The following DGCR8 variants were observed in gnomAD, a reference collection of about 807,000 sequenced individuals.
DGCR8 encodes the protein microprocessor complex subunit DGCR8.
In DGCR8, 14 loss-of-function variants were observed where a neutral mutation model predicts 78.5. The observed-to-expected ratio is 0.18, with a 90% CI of 0.12 to 0.28. The LOEUF (loss-of-function observed/expected upper bound fraction) is 0.28, where lower values mean the gene tolerates loss of function less well. DGCR8 is among the 10% of genes least tolerant of loss of function. The pLI is 1.00. For synonymous variants in DGCR8, 399 were observed against 402.4 expected, an observed-to-expected ratio of 0.99 and a Z score of 0.10; for missense variants, 702 against 1,022.5, an observed-to-expected ratio of 0.69 and a Z score of 4.28.
intron 9 of DGCR8, among the ~76,000 whole-genome samples, chr22:20,097,096 ATTTGTAGT>A (rs1484515788): frequency 1.3e-5 from 2 of 151,996 alleles, no homozygotes; most frequent in African/African-American, 4.8e-5. Flanking sequence ...GGATTTTTGC[ATTTGTAGT>A]TATAAGCAAT....
chr22:20,091,577 G>T lies in DGCR8; in HGVS notation c.1449G>T (p.Leu483Phe). 1 of 1,614,230 alleles carries T rather than the reference G, an allele frequency of 6.2e-7. No individual in the cohort carries two copies. Among genetic ancestry groups the T allele is most frequent in the Non-Finnish European group, 8.5e-7 (1 of 1,180,048 alleles). Reference sequence around the variant, plus strand: ...AGGCGGAGTCCGAGAGGCCCATCTTGCCAGCCAATCAGAAGCTCATTACTT... The same window carrying T: ...AGGCGGAGTCCGAGAGGCCCATCTTTCCAGCCAATCAGAAGCTCATTACTT... Reference protein sequence around the residue: ...RKQAESERPILPANQKLITLS... With the variant: ...RKQAESERPIFPANQKLITLS... The change falls in exon 6 of 14, where the codon TTG becomes TTT. Residue 483 changes from leucine (L) to phenylalanine (F), a missense_variant. This residue lies in a region of DGCR8 where 225 missense variants were observed against 427.7 expected (regional missense o/e 0.53). Transcript: ENST00000351989.
intron 9 of DGCR8, among the ~76,000 whole-genome samples, chr22:20,097,362 C>A (rs2049640794): frequency 6.6e-6 from 1 of 152,128 alleles, no homozygotes; most frequent in African/African-American, 2.4e-5. Context: ...TGTTATAGGT[C>A]TATTGAGATT....
chr22:20,100,742 A>G, intron 9 of DGCR8: 4 of 985,400 alleles, frequency 4.1e-6, no homozygotes, highest in South Asian at 4.7e-5. Flanking sequence ...GGAGAAGGAC[A>G]TGGGGGTGGG....
Position 20,090,203 on chromosome 22 carries a change from T to C in DGCR8, c.1251T>C (p.Pro417=). The change falls in exon 5 of 14, where the codon CCT becomes CCC. Residue 417 remains proline (P), a synonymous_variant. Coordinates refer to ENST00000351989, the MANE Select transcript of DGCR8 (RefSeq NM_022720.7). The part of the protein sequence containing the change: ...EKDPLGAEAA[P]GALGQVKAKV... ...ACCCACTAGGGGCTGAGGCAGCCCC[T>C]GGGGCCCTGGGGCAGGTGAAGGCCA... 6.2e-7 allele frequency: 1 copy of C among 1,612,754 alleles called. No individual in the cohort carries two copies. The highest frequency in any genetic ancestry group is 8.5e-7 in the Non-Finnish European group (1 of 1,179,640).
chr22:20,104,593 A>C (rs938574490), intron 9 of DGCR8, among the ~76,000 whole-genome samples: 1 of 152,140 alleles, frequency 6.6e-6, no homozygotes, highest in East Asian at 1.9e-4. Context: ...GGCCGACAGC[A>C]CTGGACGTTG....
intron 9 of DGCR8, among the ~76,000 whole-genome samples, chr22:20,099,571 C>T (rs901281271): frequency 6.6e-6 from 1 of 152,238 alleles, no homozygotes; most frequent in Non-Finnish European, 1.5e-5. Flanking sequence ...ATGCCAGCAA[C>T]TCCTTGTTCT....
At position 20,110,228 on chromosome 22, in the gene DGCR8, C is replaced by T. The variant is rs2147945695; in HGVS notation, c.*120C>T. ...CCCACGCTCCTTCCCTGTGGCCAACCTGTGGGCCCGGCCTTAGGGTGGAGG... is the reference window on the plus strand; with the variant it reads ...CCCACGCTCCTTCCCTGTGGCCAACTTGTGGGCCCGGCCTTAGGGTGGAGG... On this transcript the variant is annotated 3_prime_UTR_variant, in exon 14 of 14. Coordinates refer to ENST00000351989, the MANE Select transcript of DGCR8 (RefSeq NM_022720.7). The T allele has an allele frequency of 9.8e-7, 1 of 1,015,976 alleles. No individual in the cohort carries two copies. Among genetic ancestry groups the T allele is most frequent in the Non-Finnish European group, 1.5e-6 (1 of 685,014 alleles). The allele number at this position is 1,015,976 out of a possible 1,614,324, so 62.9% of individuals were successfully genotyped here.
At chr22:20,094,338 C>G (rs1338538614) in intron 8 of DGCR8, among the ~76,000 whole-genome samples, 2 of 152,248 alleles carry the variant, frequency 1.3e-5, no homozygotes, top group African/African-American at 4.8e-5. Context: ...CTGCTGCCAC[C>G]TGGTCTAGGT....
chr22:20,106,410 C>A (rs1037123182), intron 10 of DGCR8, 133 bp downstream of exon 10: 38 of 854,648 alleles, frequency 4.4e-5, no homozygotes, highest in African/African-American at 1.3e-4. Context: ...AGCCCCTTGG[C>A]CCTGGCCACC....
At chr22:20,106,782 C>G in intron 11 of DGCR8, 84 bp downstream of exon 11, 1 of 956,438 alleles carries the variant, frequency 1.0e-6, no homozygotes, top group South Asian at 1.3e-5. Flanking sequence ...TTGGTCTCAG[C>G]TGTTGCCCTG....
intron 9 of DGCR8, among the ~76,000 whole-genome samples, chr22:20,104,549 A>G (rs548315194): frequency 6.6e-6 from 1 of 152,300 alleles, no homozygotes; most frequent in Non-Finnish European, 1.5e-5. Context: ...CTCCAGGGCC[A>G]GTCCCGAAGC....
In DGCR8 at chr22:20,094,848, C is replaced by A. The variant is rs893143597; in HGVS notation, c.1788+53C>A. 5.2e-6 allele frequency: 8 copies of A among 1,536,126 alleles called. No homozygotes were observed. The African/African-American group carries it at 1.1e-4, about 21-fold the overall frequency. Reference sequence around the variant, plus strand: ...GAGCTGTGTGTGCAGTGCGGCTACCCTGCCCTGTTAGTGTGAGCTGGGGGT... The same window carrying A: ...GAGCTGTGTGTGCAGTGCGGCTACCATGCCCTGTTAGTGTGAGCTGGGGGT... On this transcript the variant is annotated intron_variant, in intron 9 of 13. Coordinates refer to ENST00000351989, the MANE Select transcript of DGCR8 (RefSeq NM_022720.7).
chr22:20,102,327 C>T (rs779004881), intron 9 of DGCR8, among the ~76,000 whole-genome samples: 2 of 152,164 alleles, frequency 1.3e-5, no homozygotes, highest in East Asian at 3.9e-4. Flanking sequence ...TCACCTGGTA[C>T]GTAGCCTTTG....
chr22:20,086,949 TCCTTGGCAGTGTGTGCC>T lies in DGCR8; in HGVS notation c.721-209_721-193del, dbSNP rs1284466242. On this transcript the variant is annotated intron_variant, in intron 2 of 13. Transcript: ENST00000351989. This position sits in a 1 kb window ranked among gnomAD's most constrained non-coding sequence, Gnocchi z 6.4. The stretch of plus-strand genomic sequence containing the variant: ...GGCAGCAGGTGCTGCTGAGTTACGC[TCCTTGGCAGTGTGTGCC>T]CCTGGACCAGGTGTGTTGGTGTCAG... 1.3e-6 allele frequency: 1 copy of T among 755,190 alleles called. No individual in the cohort carries two copies. The highest frequency in any genetic ancestry group is 2.1e-6 in the Non-Finnish European group (1 of 480,522). 46.8% of individuals were successfully genotyped at this position (755,190 alleles called of 1,614,324 possible). A position where few individuals can be genotyped will look rare whatever the true frequency, so the allele number is the denominator to read the frequency against.
intron 5 of DGCR8, 49 bp downstream of exon 5, chr22:20,090,307 C>T (rs749708126): frequency 1.3e-5 from 20 of 1,530,560 alleles, no homozygotes; most frequent in Admixed American, 1.1e-4. Flanking sequence ...GACCCATGAG[C>T]TTTGTTTTTC....
Position 20,107,323 on chromosome 22 carries a change from G to C in DGCR8, c.2049G>C (p.Leu683=), listed in dbSNP as rs965564353. Residue 683 remains leucine, a synonymous_variant, in exon 12 of 14, where the codon CTG becomes CTC. Coordinates refer to ENST00000351989, the MANE Select transcript of DGCR8 (RefSeq NM_022720.7). ...TAGCCTCACAGAAGATCCTTCAGCT[G>C]CTGCACCCACATGTCAAGAACTGGG... ...KQLASQKILQ[L]LHPHVKNWGS... The C allele has an allele frequency of 4.3e-6, 7 of 1,614,202 alleles. No individual in the cohort carries two copies. Among genetic ancestry groups the C allele is most frequent in the Non-Finnish European group, 5.9e-6 (7 of 1,180,008 alleles).
rs2049828847 is a variant in DGCR8 at position 20,110,615 on chromosome 22, C to CTT, written c.*508_*509insTT. On this transcript the variant is annotated 3_prime_UTR_variant, in exon 14 of 14. Coordinates refer to ENST00000351989, the MANE Select transcript of DGCR8 (RefSeq NM_022720.7). ...ATGGTGCCCTGCCCTCACCCACCCT[C>CTT]TGTGTTTCCCCTTCTTTGAAAAGGT... 1 of 156,028 alleles carries CTT rather than the reference C, an allele frequency of 6.4e-6. No homozygotes were observed. The highest frequency in any genetic ancestry group is 2.4e-5 in the African/African-American group (1 of 41,576). The allele number at this position is 156,028 out of a possible 1,614,324, so 9.7% of individuals were successfully genotyped here. A position where few individuals can be genotyped will look rare whatever the true frequency, so the allele number is the denominator to read the frequency against.
rs1161591214 is a variant in DGCR8, at chr22:20,107,368, T to C, written c.2094T>C (p.Tyr698=). The C allele has an allele frequency of 6.2e-7, 1 of 1,614,148 alleles. No homozygotes were observed. The highest frequency in any genetic ancestry group is 1.3e-5 in the African/African-American group (1 of 75,040). ...VKNWGSLLRM[Y]GRESSKMVKQ... ...ACTGGGGGTCTTTACTGCGCATGTA[T>C]GGCCGTGAGAGCAGCAAGATGGTCA... is the stretch of plus-strand genomic sequence containing the variant. Residue 698 remains tyrosine, a synonymous_variant, in exon 12 of 14, where the codon TAT becomes TAC. Coordinates refer to ENST00000351989, the MANE Select transcript of DGCR8 (RefSeq NM_022720.7).
At chr22:20,098,654 A>T (rs2049659632) in intron 9 of DGCR8, among the ~76,000 whole-genome samples, 1 of 152,186 alleles carries the variant, frequency 6.6e-6, no homozygotes, top group East Asian at 1.9e-4. Flanking sequence ...ATAGTCTCAA[A>T]GTTCTGGAAG....
Sources: gnomAD v4.1 joint callset for allele counts (sites outside exome capture counted in the v4.1 genomes callset) on GRCh38, gnomAD v4.1.1 for gene constraint, gnomAD v4.1.1 regional missense constraint, Gnocchi (gnomAD v3.1) non-coding constraint, MANE v1.5 for transcripts, NCBI Gene and HGNC (gene_info 2026-07-23, HGNC 2026-07-21) for gene names.